CD177: variants seen among roughly 807,000 people sequenced by gnomAD.
The protein encoded by CD177 is CD177 molecule.
In CD177, 41 loss-of-function variants were observed where a neutral mutation model predicts 38.1. The ratio of observed to expected loss-of-function variants is 1.07; its 90% confidence interval spans 0.84 to 1.39. The LOEUF is 1.39. Ranked by LOEUF, CD177 falls within the 40% of genes most tolerant of loss-of-function variation. The pLI, the probability that CD177 is intolerant of heterozygous loss-of-function variation, is 0.00. For missense variants in CD177, 619 were observed against 523.8 expected (o/e 1.18, Z -1.77); for synonymous variants, 236 against 216.7 (o/e 1.09, Z -0.78).
At chr19:43,354,435 A>C in intron 3 of CD177, 43 bp downstream of exon 3, 1 of 1,601,070 alleles carries the variant, frequency 6.2e-7, no homozygotes, top group East Asian at 2.2e-5. Context: ...GGCTGCTAGA[A>C]GGGGATCCGC....
chr19:43,360,097 G>A (rs1359936874), intron 5 of CD177, among the ~76,000 whole-genome samples, 168 bp from the exon 6 acceptor site: 3 of 151,930 alleles, frequency 2.0e-5, no homozygotes, highest in Non-Finnish European at 4.4e-5. Context: ...AACAATGGGG[G>A]TGGGATTTCG....
chr19:43,356,147 T>G (rs1417497005), intron 5 of CD177, 39 bp downstream of exon 5: 3 of 482,248 alleles, frequency 6.2e-6, no homozygotes, highest in Non-Finnish European at 1.1e-5. Flanking sequence ...GACTGCAGCC[T>G]CGGGGCACGA....
rs1283540008 is a variant in CD177, at chr19:43,360,724, G to C, written c.760+319G>C. On this transcript the variant is annotated intron_variant, in intron 6 of 8. Coordinates refer to ENST00000618265, the MANE Select transcript of CD177 (RefSeq NM_020406.4). ...AAATGTTTATCCAGCATTTGTTTTA[G>C]GTGCCGCAGATCCAATCCCATCTGT... The C allele has an allele frequency of 1.2e-5, 5 of 411,466 alleles. No individual in the cohort carries two copies. In the Admixed American group the frequency reaches 2.0e-4, roughly 16 times the overall value. 25.5% of individuals were successfully genotyped at this position (411,466 alleles called of 1,614,324 possible). A position where few individuals can be genotyped will look rare whatever the true frequency, so the allele number is the denominator to read the frequency against.
At chr19:43,354,099 C>G (rs1287735306) in intron 2 of CD177, 106 bp downstream of exon 2, 2 of 1,561,522 alleles carry the variant, frequency 1.3e-6, no homozygotes, top group Admixed American at 3.6e-5. Context: ...TCCTAGGGTC[C>G]CGGTGATCCC....
At chr19:43,363,886 G>C (rs1970007760), downstream of CD177, among the ~76,000 whole-genome samples, 1 of 152,152 alleles carries the variant, frequency 6.6e-6, no homozygotes, top group African/African-American at 2.4e-5. Context: ...CCAGGAGTTT[G>C]AGACCAGCCT....
Position 43,355,595 on chromosome 19 carries a change from G to A in CD177, c.380-66G>A, listed in dbSNP as rs780156935. On this transcript the variant is annotated intron_variant, in intron 3 of 8. Coordinates refer to ENST00000618265, the MANE Select transcript of CD177 (RefSeq NM_020406.4). The stretch of plus-strand genomic sequence containing the variant: ...TTGAGGCCAGCAAAAGTGGGGTGCA[G>A]AGAAGGTATCTGATCAAATCCAGTG... The A allele has an allele frequency of 4.4e-6, 7 of 1,602,600 alleles. No individual in the cohort carries two copies. In the Admixed American group the frequency reaches 1.0e-4, roughly 23 times the overall value.
downstream of CD177, among the ~76,000 whole-genome samples, chr19:43,366,031 C>A (rs180948532): frequency 2.3e-3 from 346 of 152,264 alleles, 4 homozygotes; most frequent in Non-Finnish European, 1.3e-4. Context: ...GAGTTACCTG[C>A]AGGAGGAGGC....
In CD177 at chr19:43,361,455, C is replaced by T. The variant is rs1230347720; in HGVS notation, c.957C>T (p.Val319=). 7 of 1,583,608 alleles carry T rather than the reference C, an allele frequency of 4.4e-6. No homozygotes were observed. Among genetic ancestry groups the T allele is most frequent in the Non-Finnish European group, 6.0e-6 (7 of 1,160,280 alleles). Residue 319 remains valine, a synonymous_variant, in exon 8 of 9, where the codon GTC becomes GTT. Transcript: ENST00000618265. Reference sequence around the variant, plus strand: ...CCCTCTGCTCCCCAGCTGCCCCTGTCCCAGGAGACCGGCAGTGTCCTACCT... The same window carrying T: ...CCCTCTGCTCCCCAGCTGCCCCTGTTCCAGGAGACCGGCAGTGTCCTACCT... ...LNSLPPQAAP[V]PGDRQCPTCV...
Position 43,362,524 on chromosome 19 carries a change from G to A in CD177, c.*204G>A. On this transcript the variant is annotated 3_prime_UTR_variant, in exon 9 of 9. Coordinates refer to ENST00000618265, the MANE Select transcript of CD177 (RefSeq NM_020406.4). ...CATCCGGACTTGCCCTATGGGAGAG[G>A]GGACGCTGGAGGAGTGGCTGCATGT... 1 of 474,082 alleles carries A rather than the reference G, an allele frequency of 2.1e-6. No homozygotes were observed. The highest frequency in any genetic ancestry group is 3.7e-6 in the Non-Finnish European group (1 of 267,706). The allele number at this position is 474,082 out of a possible 1,614,324, so 29.4% of individuals were successfully genotyped here.
chr19:43,353,725 T>C lies in CD177; in HGVS notation c.11T>C (p.Val4Ala). The C allele has an allele frequency of 6.2e-7, 1 of 1,613,642 alleles. No homozygotes were observed. The highest frequency in any genetic ancestry group is 8.5e-7 in the Non-Finnish European group (1 of 1,179,794). Residue 4 changes from valine to alanine, a missense_variant, in exon 1 of 9, where the codon GTA becomes GCA. Coordinates refer to ENST00000618265, the MANE Select transcript of CD177 (RefSeq NM_020406.4). ...AGCCACAGACGGGTCATGAGCGCGG[T>C]ATTACTGCTGGCCCTCCTGGGGTTC... MSAVLLLALLGFIL... is the reference protein window; with the variant it reads MSAALLLALLGFIL...
At chr19:43,354,546 C>T in intron 3 of CD177, 154 bp downstream of exon 3, 1 of 745,812 alleles carries the variant, frequency 1.3e-6, no homozygotes, top group Non-Finnish European at 2.2e-6. Context: ...ACCATCGCCC[C>T]GCCCCGCTCC....
chr19:43,354,019 C>A, intron 2 of CD177, 26 bp downstream of exon 2: 2 of 1,606,688 alleles, frequency 1.2e-6, no homozygotes, highest in Non-Finnish European at 1.7e-6. Context: ...CGTGCAGAGA[C>A]CCCGCCCTGT....
chr19:43,354,751 C>T lies in CD177; in HGVS notation c.379+359C>T, dbSNP rs184101969. 6.2e-3 allele frequency among the ~76,000 whole-genome samples: 944 copies of T among 152,198 alleles called. 5 individuals carry two copies. Among genetic ancestry groups the T allele is most frequent in the Middle Eastern group, 0.014 (4 of 294 alleles). ...TTCTCCTGCAGGGTTTTTGCTATTT[C>T]CTCTTCCTAAGGGAGACTGAACTGT... On this transcript the variant is annotated intron_variant, in intron 3 of 8. Coordinates refer to ENST00000618265, the MANE Select transcript of CD177 (RefSeq NM_020406.4).
chr19:43,365,600 A>G (rs1188206879), downstream of CD177, among the ~76,000 whole-genome samples: 1 of 139,090 alleles, frequency 7.2e-6, no homozygotes, highest in Non-Finnish European at 1.5e-5. Context: ...ACCCAAGTCC[A>G]TCCCTCCTTG....
Sources: allele counts gnomAD v4.1 joint callset (sites outside exome capture counted in the v4.1 genomes callset), GRCh38; gene constraint gnomAD v4.1.1; transcripts MANE v1.5; gene names NCBI Gene and HGNC (gene_info 2026-07-23, HGNC 2026-07-21).